Variants in FAN1 observed in about 807,000 individuals in gnomAD.
FAN1 encodes FANCD2 and FANCI associated nuclease 1.
Under a neutral mutation model 104.9 loss-of-function variants are expected in FAN1, and 91 were observed. That is an observed-to-expected ratio of 0.87 (90% CI 0.73 to 1.03). FAN1 has a LOEUF of 1.03. Among genes scored for constraint, FAN1 ranks in the 50% least tolerant of loss-of-function variants. The pLI, the probability that FAN1 is intolerant of heterozygous loss-of-function variation, is 0.00. For synonymous variants in FAN1, 478 were observed against 457.6 expected, an observed-to-expected ratio of 1.04 and a Z score of -0.57; for missense variants, 1,263 against 1,239.9, an observed-to-expected ratio of 1.02 and a Z score of -0.28.
chr15:30,928,634 A>G lies in FAN1; in HGVS notation c.2570A>G (p.Asp857Gly). 1 of 1,613,436 alleles carries G rather than the reference A, an allele frequency of 6.2e-7. No individual in the cohort carries two copies. The highest frequency in any genetic ancestry group is 8.5e-7 in the Non-Finnish European group (1 of 1,179,926). Residue 857 changes from aspartate to glycine, a missense_variant, in exon 11 of 15, where the codon GAT becomes GGT. Around this residue, in one of 2 missense-constraint regions of FAN1, gnomAD observed 581 missense variants for 668.8 expected, o/e 0.87. Coordinates refer to ENST00000362065, the MANE Select transcript of FAN1 (RefSeq NM_014967.5). ...ATCATCTTCATGGATGGGATTCCGG[A>G]TGTCTTCAGAAACGCCTGTCAGGTA... The part of the protein sequence containing the change: ...WDIIFMDGIP[D>G]VFRNACQAFP...
In FAN1 at chr15:30,942,659, A is replaced by C. The variant is rs926063757; in HGVS notation, c.*1097A>C. 2.1e-6 allele frequency: 1 copy of C among 486,910 alleles called. No individual in the cohort carries two copies. Among genetic ancestry groups the C allele is most frequent in the Non-Finnish European group, 3.6e-6 (1 of 280,040 alleles). The allele number at this position is 486,910 out of a possible 1,614,324, so 30.2% of individuals were successfully genotyped here. On this transcript the variant is annotated 3_prime_UTR_variant, in exon 15 of 15. Coordinates refer to ENST00000362065, the MANE Select transcript of FAN1 (RefSeq NM_014967.5). ...TGGGGCTTTAGTAAATCAGGCTTGC[A>C]GGCTCAAAGCTGCAATCTGCCCACT... is the stretch of plus-strand genomic sequence containing the variant.
chr15:30,905,632 T>TCATA lies in FAN1; in HGVS notation c.970_973dup (p.Ser325ThrfsTer2). Reference sequence around the variant, plus strand: ...AGCTGTCAGATTCAGAGGCAAAATCTCATAGTTCTGCAGATGATGCTTCTG... The same window carrying TCATA: ...AGCTGTCAGATTCAGAGGCAAAATCTCATACATAGTTCTGCAGATGATGCTTCTG... On this transcript the variant is annotated frameshift_variant, in exon 2 of 15. Transcript: ENST00000362065. LOFTEE classifies it high-confidence loss of function. 1.2e-6 allele frequency: 2 copies of TCATA among 1,614,120 alleles called. No homozygotes were observed. The highest frequency in any genetic ancestry group is 1.7e-6 in the Non-Finnish European group (2 of 1,179,974).
At position 30,918,868 on chromosome 15, in the gene FAN1, G is replaced by A. The variant is rs1196044975; in HGVS notation, c.1943+573G>A. On this transcript the variant is annotated intron_variant, in intron 6 of 14. Coordinates refer to ENST00000362065, the MANE Select transcript of FAN1 (RefSeq NM_014967.5). ...TTGAAAAAATCATTTAGGATATACA[G>A]TTGACCCTTGAATGATGCAGGGGTT... Among the ~76,000 whole-genome samples, 3 of 152,224 alleles carry A rather than the reference G, an allele frequency of 2.0e-5. No homozygotes were observed. In the South Asian group the frequency reaches 6.2e-4, roughly 32 times the overall value.
intron 11 of FAN1, 40 bp downstream of exon 11, chr15:30,928,696 A>G: frequency 1.2e-6 from 2 of 1,612,780 alleles, no homozygotes; most frequent in Non-Finnish European, 1.7e-6. Flanking sequence ...GTCCTTCTGC[A>G]CACATCCGTG....
chr15:30,927,717 G>T, intron 10 of FAN1: 2 of 985,638 alleles, frequency 2.0e-6, no homozygotes, highest in African/African-American at 3.5e-5. Flanking sequence ...GTGGGGAGAG[G>T]CATCCATGTG....
chr15:30,925,648 C>A, intron 9 of FAN1, 141 bp from the exon 10 acceptor site: 1 of 960,132 alleles, frequency 1.0e-6, no homozygotes, highest in Non-Finnish European at 1.6e-6. Flanking sequence ...CGCAGTTCTG[C>A]GTGTGTGAGC....
At chr15:30,904,424 G>A (rs894971154) in intron 1 of FAN1, 88 bp from the exon 2 acceptor site, 11 of 594,356 alleles carry the variant, frequency 1.9e-5, no homozygotes, top group African/African-American at 1.5e-4. Flanking sequence ...CGTTACAGGA[G>A]ACCTTGCTCT....
At position 30,937,022 on chromosome 15, in the gene FAN1, A is replaced by C. The variant is rs2062874398; in HGVS notation, c.2917-97A>C. On this transcript the variant is annotated intron_variant, in intron 13 of 14. Coordinates refer to ENST00000362065, the MANE Select transcript of FAN1 (RefSeq NM_014967.5). ...TACAAATACAGTGAGAGAGCAGAAGAGCCATTTAAATAGTTGTCAGTGACA... is the reference window on the plus strand; with the variant it reads ...TACAAATACAGTGAGAGAGCAGAAGCGCCATTTAAATAGTTGTCAGTGACA... 3.3e-6 allele frequency: 3 copies of C among 902,594 alleles called. No homozygotes were observed. In the East Asian group the frequency reaches 7.3e-5, roughly 22 times the overall value. The allele number at this position is 902,594 out of a possible 1,614,324, so 55.9% of individuals were successfully genotyped here.
chr15:30,910,835 C>T lies in FAN1; in HGVS notation c.1577+20C>T, dbSNP rs369935463. On this transcript the variant is annotated intron_variant, in intron 4 of 14. Transcript: ENST00000362065. ...AAAAAGGTTTTGTTGGCTATTGTTA[C>T]AGTAAAAACATTTAAAATGTTGATA... The T allele has an allele frequency of 8.1e-6, 13 of 1,607,680 alleles. No homozygotes were observed. Among genetic ancestry groups the T allele is most frequent in the Non-Finnish European group, 1.0e-5 (12 of 1,176,300 alleles).
intron 14 of FAN1, chr15:30,939,312 C>T: frequency 1.0e-6 from 1 of 985,490 alleles, no homozygotes; most frequent in Non-Finnish European, 1.2e-6. Flanking sequence ...ATCTGTGCGG[C>T]ATTCCCTCAG....
At chr15:30,930,412 A>G (rs970265098) in intron 12 of FAN1, 131 bp from the exon 13 acceptor site, 3 of 1,055,390 alleles carry the variant, frequency 2.8e-6, no homozygotes, top group African/African-American at 1.6e-5. Context: ...AGAACAGCGC[A>G]TGGTGGGCCT....
chr15:30,941,049 C>A, intron 14 of FAN1: 1 of 1,177,966 alleles, frequency 8.5e-7, no homozygotes, highest in Non-Finnish European at 1.1e-6. Context: ...TACATGAATA[C>A]TTCCTAAAAC....
chr15:30,925,967 A>G, intron 10 of FAN1, 28 bp downstream of exon 10: 1 of 1,611,778 alleles, frequency 6.2e-7, no homozygotes, highest in Non-Finnish European at 8.5e-7. Flanking sequence ...CTCTTGTGGC[A>G]CCCAGCCCCG....
At chr15:30,912,293 G>A (rs552895311) in intron 4 of FAN1, among the ~76,000 whole-genome samples, 2 of 152,308 alleles carry the variant, frequency 1.3e-5, no homozygotes, top group African/African-American at 2.4e-5. Flanking sequence ...CCAGCCCCAC[G>A]CTAGGGCAGC....
At chr15:30,932,118 AG>A (rs1313597697) in intron 13 of FAN1, among the ~76,000 whole-genome samples, 1 of 148,226 alleles carries the variant, frequency 6.7e-6, no homozygotes, top group African/African-American at 2.5e-5. Context: ...GCTACTTGGG[AG>A]GCTGAGGCAG....
intron 14 of FAN1, chr15:30,940,345 A>C (rs534013654): frequency 2.0e-6 from 2 of 985,340 alleles, no homozygotes; most frequent in Middle Eastern, 5.2e-4. Flanking sequence ...TTTGCTGTCC[A>C]AAGTTGGGGG....
Position 30,904,606 on chromosome 15 carries a change from C to T in FAN1, c.-58C>T, listed in dbSNP as rs773688318. Reference sequence around the variant, plus strand: ...GAAAGTAAAAGTAAACCATTGCTATCTTTCACCTTAAATATCCTGTGTTTT... The same window carrying T: ...GAAAGTAAAAGTAAACCATTGCTATTTTTCACCTTAAATATCCTGTGTTTT... On this transcript the variant is annotated 5_prime_UTR_variant, in exon 2 of 15. Coordinates refer to ENST00000362065, the MANE Select transcript of FAN1 (RefSeq NM_014967.5). The T allele has an allele frequency of 1.9e-5, 29 of 1,541,532 alleles. No individual in the cohort carries two copies. The African/African-American group carries it at 3.5e-4, about 19-fold the overall frequency.
chr15:30,940,951 G>T (rs778741454), intron 14 of FAN1: 1 of 1,088,680 alleles, frequency 9.2e-7, no homozygotes, highest in African/African-American at 1.7e-5. Context: ...TCCAAAGAAG[G>T]TGATCTAAAA....
intron 3 of FAN1, 134 bp downstream of exon 3, chr15:30,908,392 T>G (rs2062029338): frequency 3.0e-6 from 2 of 674,118 alleles, no homozygotes; most frequent in African/African-American, 1.8e-5. Flanking sequence ...AATTGAATTT[T>G]TAATCTTAGG....
Sources: gnomAD v4.1 joint callset for allele counts (sites outside exome capture counted in the v4.1 genomes callset) on GRCh38, gnomAD v4.1.1 for gene constraint, gnomAD v4.1.1 regional missense constraint, MANE v1.5 for transcripts, NCBI Gene and HGNC (gene_info 2026-07-23, HGNC 2026-07-21) for gene names.